Variants in LRPPRC observed in about 807,000 individuals in gnomAD.
The protein encoded by LRPPRC is leucine rich pentatricopeptide repeat containing, also known as leucine-rich PPR motif-containing protein, mitochondrial.
A neutral mutation model predicts 180.3 loss-of-function variants in LRPPRC; 120 were observed. The observed-to-expected ratio is 0.67, with a 90% CI of 0.57 to 0.77. The LOEUF (loss-of-function observed/expected upper bound fraction) is 0.77, where lower values mean the gene tolerates loss of function less well. Ranked by LOEUF, LRPPRC falls within the 30% of genes least tolerant of loss-of-function variation. LRPPRC has a pLI of 0.00. For synonymous variants in LRPPRC, 723 were observed against 600.0 expected (o/e 1.21, Z -3.00); for missense variants, 2,012 against 1,657.2 (o/e 1.21, Z -3.72).
chr2:43,913,055 T>C (rs561746358), intron 29 of LRPPRC, among the ~76,000 whole-genome samples: 2 of 152,294 alleles, frequency 1.3e-5, no homozygotes, highest in East Asian at 3.9e-4. Context: ...AAAGAGAATA[T>C]AGCCTATAAT....
rs1670625192 is a variant in LRPPRC, at chr2:43,894,881, T to C, written c.3901-252A>G. 3.3e-5 allele frequency among the ~76,000 whole-genome samples: 5 copies of C among 152,210 alleles called. No individual in the cohort carries two copies. In the South Asian group the frequency reaches 8.3e-4, roughly 25 times the overall value. ...TTTCTATGAATATTTTTCTAGAATA[T>C]GATAAACACATTGCTTCTTTTGTCA... On this transcript the variant is annotated intron_variant, in intron 35 of 37. Transcript: ENST00000260665.
chr2:43,974,703 T>C lies in LRPPRC; in HGVS notation c.920A>G (p.Gln307Arg), dbSNP rs1429051841. ...ELHLMDRDLL[Q>R]IIFSFSKAGY... ...AGCTTTACTGAAGCTAAAAATAATT[T>C]GCAGTAAATCACGGTCCATAAGGTG... is the stretch of plus-strand genomic sequence containing the variant. Residue 307 changes from glutamine (Q) to arginine (R), a missense_variant, in exon 8 of 38, where the codon CAA (glutamine) becomes CGA (arginine). Coordinates refer to ENST00000260665, the MANE Select transcript of LRPPRC (RefSeq NM_133259.4). 2 of 1,613,566 alleles carry C rather than the reference T, an allele frequency of 1.2e-6. No homozygotes were observed. The highest frequency in any genetic ancestry group is 2.2e-5 in the East Asian group (1 of 44,838).
intron 14 of LRPPRC, among the ~76,000 whole-genome samples, chr2:43,954,272 T>A (rs1483894076): frequency 6.6e-6 from 1 of 152,202 alleles, no homozygotes; most frequent in Non-Finnish European, 1.5e-5. Flanking sequence ...AAAAATTGTA[T>A]GACCTAGTAG....
chr2:43,957,728 G>A (rs1265419355), intron 13 of LRPPRC, among the ~76,000 whole-genome samples: 1 of 152,016 alleles, frequency 6.6e-6, no homozygotes, highest in African/African-American at 2.4e-5. Flanking sequence ...TAACATACCA[G>A]CAGAATCAGA....
chr2:43,982,240 G>A lies in LRPPRC; in HGVS notation c.344C>T (p.Ser115Leu), dbSNP rs1418745026. 1.2e-5 allele frequency: 18 copies of A among 1,563,880 alleles called. No individual in the cohort carries two copies. Among genetic ancestry groups the A allele is most frequent in the Non-Finnish European group, 1.6e-5 (18 of 1,158,392 alleles). ...LQKVFNDTCR[S>L]GGLGGSHALL... Reference sequence around the variant, plus strand: ...ATGAACAGGAAATTTTGAAATACCTGAGCGGCAGGTATCATTAAAAACTTT... The same window carrying A: ...ATGAACAGGAAATTTTGAAATACCTAAGCGGCAGGTATCATTAAAAACTTT... The change falls in exon 2 of 38, where the codon TCA becomes TTA. Residue 115 changes from serine to leucine, a missense_variant and splice_region_variant. Physicochemically the swap from Ser to Leu is moderately radical, Grantham distance 145. Coordinates refer to ENST00000260665, the MANE Select transcript of LRPPRC (RefSeq NM_133259.4).
At chr2:43,901,248 T>C (rs1250271281) in intron 32 of LRPPRC, 72 bp downstream of exon 32, 1 of 1,278,764 alleles carries the variant, frequency 7.8e-7, no homozygotes, top group African/African-American at 1.5e-5. Flanking sequence ...AAAAAAGTTT[T>C]TAAAAGGTGG....
Position 43,896,336 on chromosome 2 carries a change from G to A in LRPPRC, c.3900+298C>T, listed in dbSNP as rs149390548. ...TCCACCCGCCTCGGCCTCCCAAAGTGCTGGGATTACAGGTGTGAGCCACCA... is the reference window on the plus strand; with the variant it reads ...TCCACCCGCCTCGGCCTCCCAAAGTACTGGGATTACAGGTGTGAGCCACCA... On this transcript the variant is annotated intron_variant, in intron 35 of 37. Coordinates refer to ENST00000260665, the MANE Select transcript of LRPPRC (RefSeq NM_133259.4). 6.0e-3 allele frequency: 1,469 copies of A among 242,892 alleles called. 21 individuals carry two copies. Among genetic ancestry groups the A allele is most frequent in the African/African-American group, 0.033 (1,366 of 40,972 alleles). The allele number at this position is 242,892 out of a possible 1,614,324, so 15.0% of individuals were successfully genotyped here. A position where few individuals can be genotyped will look rare whatever the true frequency, so the allele number is the denominator to read the frequency against.
chr2:43,892,332 G>A (rs979768438), intron 36 of LRPPRC, among the ~76,000 whole-genome samples: 1 of 152,166 alleles, frequency 6.6e-6, no homozygotes, highest in African/African-American at 2.4e-5. Context: ...AATGCAGCTG[G>A]TGACTTTATG....
At position 43,979,920 on chromosome 2, in the gene LRPPRC, A is replaced by G. The variant is rs1345341114; in HGVS notation, c.375T>C (p.Leu125=). 1 of 1,613,816 alleles carries G rather than the reference A, an allele frequency of 6.2e-7. No homozygotes were observed. The highest frequency in any genetic ancestry group is 8.5e-7 in the Non-Finnish European group (1 of 1,179,840). Residue 125 remains leucine, a synonymous_variant, in exon 3 of 38, where the codon CTT becomes CTC. Transcript: ENST00000260665. ...SGGLGGSHAL[L]LLRSCGSLLP... ...AGAGAGAACCACAACTACGTAGTAGAAGCAAGGCATGACTACCACCTAGGC... is the reference window on the plus strand; with the variant it reads ...AGAGAGAACCACAACTACGTAGTAGGAGCAAGGCATGACTACCACCTAGGC...
chr2:43,895,900 C>G (rs1188497840), intron 35 of LRPPRC, among the ~76,000 whole-genome samples: 1 of 152,064 alleles, frequency 6.6e-6, no homozygotes, highest in Non-Finnish European at 1.5e-5. Context: ...TGTGATATAC[C>G]TACTATGTAC....
chr2:43,915,029 G>A (rs1572911595), intron 29 of LRPPRC, among the ~76,000 whole-genome samples: 1 of 120,468 alleles, frequency 8.3e-6, no homozygotes, highest in South Asian at 2.9e-4. Context: ...CCAACATGGT[G>A]AAACCCTGTC....
chr2:43,930,976 T>C (rs1012425085), intron 25 of LRPPRC, among the ~76,000 whole-genome samples: 1 of 152,184 alleles, frequency 6.6e-6, no homozygotes, highest in African/African-American at 2.4e-5. Context: ...ACCATACAAA[T>C]AAAGTATCAC....
At chr2:43,889,339 A>AAAAAG in intron 37 of LRPPRC, among the ~76,000 whole-genome samples, 1 of 147,140 alleles carries the variant, frequency 6.8e-6, no homozygotes, top group Non-Finnish European at 1.5e-5. Context: ...AAAAAAAAAA[A>AAAAAG]GGCAAAATTT....
At chr2:43,924,214 C>T (rs10204714) in intron 27 of LRPPRC, among the ~76,000 whole-genome samples, 93,667 of 152,028 alleles carry the variant, frequency 0.62, 30,831 homozygotes, top group East Asian at 0.96. Flanking sequence ...TCTAGATAAA[C>T]ATCCATGAAA....
chr2:43,898,693 A>C (rs1249533109), intron 34 of LRPPRC, among the ~76,000 whole-genome samples: 2 of 152,226 alleles, frequency 1.3e-5, no homozygotes, highest in East Asian at 3.8e-4. Flanking sequence ...TGTGTCTGTG[A>C]CACACAAGTG....
intron 19 of LRPPRC, 105 bp downstream of exon 19, chr2:43,947,626 G>A (rs189011475): frequency 5.1e-6 from 4 of 785,046 alleles, no homozygotes; most frequent in Non-Finnish European, 9.1e-6. Flanking sequence ...AGGTATACAA[G>A]ATGATAAAAA....
intron 1 of LRPPRC, among the ~76,000 whole-genome samples, chr2:43,992,273 C>G (rs1353594640): frequency 6.6e-6 from 1 of 151,998 alleles, no homozygotes; most frequent in Non-Finnish European, 1.5e-5. Context: ...ACAACATGGC[C>G]CATCAAAGCC....
intron 35 of LRPPRC, 170 bp downstream of exon 35, chr2:43,896,464 G>T: frequency 1.7e-6 from 1 of 581,664 alleles, no homozygotes. Context: ...TACATTTCCA[G>T]TACAGCTAAC....
chr2:43,966,002 A>G (rs1239794802), intron 11 of LRPPRC, among the ~76,000 whole-genome samples: 1 of 152,238 alleles, frequency 6.6e-6, no homozygotes, highest in Non-Finnish European at 1.5e-5. Context: ...TAAAATCACT[A>G]TCTTGAAGAA....
Sources: allele counts gnomAD v4.1 joint callset (sites outside exome capture counted in the v4.1 genomes callset), GRCh38; gene constraint gnomAD v4.1.1; transcripts MANE v1.5; gene names NCBI Gene and HGNC (gene_info 2026-07-23, HGNC 2026-07-21).